VRK1: variants seen among roughly 807,000 people sequenced by gnomAD.
VRK1 encodes the protein serine/threonine-protein kinase VRK1.
In VRK1, 33 loss-of-function variants were observed where a neutral mutation model predicts 57.1. That is an observed-to-expected ratio of 0.58 (90% CI 0.44 to 0.77). The LOEUF is 0.77. Ranked by LOEUF, VRK1 falls within the 30% of genes least tolerant of loss-of-function variation. The pLI is 0.00. For missense variants in VRK1, 413 were observed against 477.3 expected, an observed-to-expected ratio of 0.87 and a Z score of 1.25; for synonymous variants, 137 against 147.8, an observed-to-expected ratio of 0.93 and a Z score of 0.53.
At chr14:96,871,652 C>G (rs1056061983) in intron 11 of VRK1, among the ~76,000 whole-genome samples, 1 of 152,132 alleles carries the variant, frequency 6.6e-6, no homozygotes, top group Non-Finnish European at 1.5e-5. Context: ...GCCAGGCACA[C>G]AGTAGATGCT....
Position 96,859,740 on chromosome 14 carries a change from G to C in VRK1, c.890-817G>C, listed in dbSNP as rs551292426. ...AAATGATTCAAGGGTGACTAACTCA[G>C]ATTTTGGCTTGAGGAGCTAGAAGGA... On this transcript the variant is annotated intron_variant, in intron 10 of 12. Coordinates refer to ENST00000216639, the MANE Select transcript of VRK1 (RefSeq NM_003384.3). 2.7e-3 allele frequency among the ~76,000 whole-genome samples: 405 copies of C among 152,258 alleles called. 3 individuals carry two copies. The Middle Eastern group carries it at 0.041, about 15-fold the overall frequency.
chr14:96,833,724 C>G (rs997847262), intron 2 of VRK1, 93 bp downstream of exon 2: 33 of 1,564,978 alleles, frequency 2.1e-5, no homozygotes, highest in Non-Finnish European at 2.9e-5. Context: ...ATGGGATGTT[C>G]CTAATAATCT....
chr14:96,818,477 A>C (rs1886475404), intron 1 of VRK1, among the ~76,000 whole-genome samples: 1 of 151,934 alleles, frequency 6.6e-6, no homozygotes, highest in Non-Finnish European at 1.5e-5. Flanking sequence ...TTAGGTGTGA[A>C]AACATGACTA....
chr14:96,873,714 T>C (rs1311505449), intron 11 of VRK1, among the ~76,000 whole-genome samples: 1 of 152,204 alleles, frequency 6.6e-6, no homozygotes, highest in African/African-American at 2.4e-5. Context: ...AGGAAGAAGC[T>C]GGGAGCAGAT....
rs145095857 is a variant in VRK1 at position 96,854,580 on chromosome 14, G to T, written c.577-644G>T. Among the ~76,000 whole-genome samples the T allele has an allele frequency of 4.8e-3, 737 of 152,144 alleles. 1 individual carries two copies. Among genetic ancestry groups the T allele is most frequent in the Non-Finnish European group, 7.5e-3 (513 of 67,966 alleles). ...ATCAGACCCACATGTATATGCCCAC[G>T]AATAAGTATGTATATAATATTAAAA... On this transcript the variant is annotated intron_variant, in intron 7 of 12. Transcript: ENST00000216639.
At chr14:96,811,335 C>T (rs1342510313) in intron 1 of VRK1, among the ~76,000 whole-genome samples, 1 of 152,214 alleles carries the variant, frequency 6.6e-6, no homozygotes. Flanking sequence ...AATTAGCTAT[C>T]TCCTGCAGAA....
chr14:96,805,550 G>T (rs192592655), intron 1 of VRK1, among the ~76,000 whole-genome samples: 22 of 152,174 alleles, frequency 1.4e-4, no homozygotes, highest in African/African-American at 4.6e-4. Context: ...GATCTCTTTG[G>T]TTTCTGCTTT....
intron 5 of VRK1, among the ~76,000 whole-genome samples, chr14:96,847,680 C>T (rs947746353): frequency 3.9e-5 from 6 of 152,132 alleles, no homozygotes; most frequent in Non-Finnish European, 7.4e-5. Context: ...CAAACAAAAA[C>T]GCCTCTGTTC....
chr14:96,820,331 C>T (rs1886552550), intron 1 of VRK1, among the ~76,000 whole-genome samples: 1 of 151,994 alleles, frequency 6.6e-6, no homozygotes, highest in Admixed American at 6.6e-5. Context: ...GAATGGTCAA[C>T]GTTGAGTTCT....
chr14:96,866,810 A>G (rs1888605674), intron 11 of VRK1, among the ~76,000 whole-genome samples: 1 of 152,218 alleles, frequency 6.6e-6, no homozygotes, highest in African/African-American at 2.4e-5. Flanking sequence ...CTGCAAAGCT[A>G]TGATACTTCT....
intron 1 of VRK1, among the ~76,000 whole-genome samples, chr14:96,831,273 C>T (rs1483496194): frequency 3.3e-5 from 5 of 152,166 alleles, no homozygotes; most frequent in South Asian, 2.1e-4. Flanking sequence ...TACTGTCCCT[C>T]CGTTTGGTTG....
At chr14:96,816,046 A>C (rs1595646183) in intron 1 of VRK1, among the ~76,000 whole-genome samples, 1 of 152,282 alleles carries the variant, frequency 6.6e-6, no homozygotes, top group African/African-American at 2.4e-5. Flanking sequence ...AATGTACAGA[A>C]GGAACCTGGA....
intron 1 of VRK1, among the ~76,000 whole-genome samples, chr14:96,810,713 T>C (rs1025381315): frequency 1.4e-4 from 22 of 152,208 alleles, no homozygotes; most frequent in Non-Finnish European, 2.6e-4. Context: ...TGTTTTCTGA[T>C]TTTCATTCTG....
At chr14:96,858,344 T>C (rs1888250038) in intron 10 of VRK1, among the ~76,000 whole-genome samples, 1 of 152,198 alleles carries the variant, frequency 6.6e-6, no homozygotes, top group African/African-American at 2.4e-5. Flanking sequence ...TCCTCCTACC[T>C]CAGCCTCCCA....
At chr14:96,855,123 T>G (rs1050505722) in intron 7 of VRK1, 101 bp from the exon 8 acceptor site, 3 of 1,579,004 alleles carry the variant, frequency 1.9e-6, no homozygotes, top group Middle Eastern at 1.8e-4. Flanking sequence ...ACCTTGTAGG[T>G]GAACCCACCT....
chr14:96,824,929 A>ACTTT (rs1886744970), intron 1 of VRK1, among the ~76,000 whole-genome samples: 1 of 152,174 alleles, frequency 6.6e-6, no homozygotes, highest in Admixed American at 6.5e-5. Flanking sequence ...CTGAGATTAC[A>ACTTT]GGTGTGAGCC....
intron 3 of VRK1, among the ~76,000 whole-genome samples, chr14:96,845,415 C>T (rs1196316621): frequency 2.0e-5 from 3 of 152,080 alleles, no homozygotes; most frequent in Admixed American, 6.6e-5. Flanking sequence ...GAATGTATGT[C>T]TCTTTAGTAA....
At chr14:96,803,216 G>A (rs1180853370) in intron 1 of VRK1, among the ~76,000 whole-genome samples, 2 of 148,370 alleles carry the variant, frequency 1.3e-5, no homozygotes, top group African/African-American at 5.0e-5. Context: ...TTGTCCCCCA[G>A]GCTGGAGTGC....
intron 1 of VRK1, among the ~76,000 whole-genome samples, chr14:96,812,497 T>C (rs1886244282): frequency 6.6e-6 from 1 of 152,226 alleles, no homozygotes; most frequent in Admixed American, 6.5e-5. Flanking sequence ...CCCTAACAAC[T>C]AATGATACTG....
Sources: gnomAD v4.1 joint callset for allele counts (sites outside exome capture counted in the v4.1 genomes callset) on GRCh38, gnomAD v4.1.1 for gene constraint, MANE v1.5 for transcripts, NCBI Gene and HGNC (gene_info 2026-07-23, HGNC 2026-07-21) for gene names.